The following SNX27 variants were observed in gnomAD, a reference collection of about 807,000 sequenced individuals.
The protein encoded by SNX27 is sorting nexin 27, also known as sorting nexin-27.
Under a neutral mutation model 71.6 loss-of-function variants are expected in SNX27, and 22 were observed. That is an observed-to-expected ratio of 0.31 (90% CI 0.22 to 0.44). The LOEUF is 0.44. Ranked by LOEUF, SNX27 falls within the 20% of genes least tolerant of loss-of-function variation. SNX27 has a pLI of 1.00. For synonymous variants in SNX27, 269 were observed against 277.2 expected (o/e 0.97, Z 0.29); for missense variants, 531 against 698.6 (o/e 0.76, Z 2.70).
intron 9 of SNX27, among the ~76,000 whole-genome samples, 160 bp downstream of exon 9, chr1:151,692,744 C>G (rs1169718417): frequency 6.6e-6 from 1 of 152,208 alleles, no homozygotes; most frequent in Non-Finnish European, 1.5e-5. Context: ...TCCTCAACTT[C>G]ATTGGCTGCT....
intron 1 of SNX27, among the ~76,000 whole-genome samples, chr1:151,626,468 G>C (rs1001191355): frequency 1.3e-5 from 2 of 152,116 alleles, no homozygotes; most frequent in African/African-American, 2.4e-5. Context: ...ATCAGGAAGA[G>C]AATACTGTTT....
intron 1 of SNX27, among the ~76,000 whole-genome samples, chr1:151,620,583 G>T (rs1667624491): frequency 6.6e-6 from 1 of 152,062 alleles, no homozygotes; most frequent in African/African-American, 2.4e-5. Context: ...TGTTTTAAAT[G>T]ACTATACTTA....
At chr1:151,694,104 T>C (rs867717663) in intron 11 of SNX27, 4 of 1,255,186 alleles carry the variant, frequency 3.2e-6, no homozygotes, top group Middle Eastern at 3.1e-4. Flanking sequence ...TGGCTTTTTT[T>C]TCCCTCTGTG....
chr1:151,686,919 T>C (rs951623480), intron 8 of SNX27, among the ~76,000 whole-genome samples: 1 of 152,254 alleles, frequency 6.6e-6, no homozygotes, highest in Non-Finnish European at 1.5e-5. Context: ...ACCAAGATTC[T>C]TGGAAGATAA....
In SNX27 at chr1:151,655,068, G is replaced by A. The variant is rs369891658; in HGVS notation, c.544-3167G>A. Among the ~76,000 whole-genome samples, 42 of 151,892 alleles carry A rather than the reference G, an allele frequency of 2.8e-4. No homozygotes were observed. The East Asian group carries it at 6.8e-3, about 24-fold the overall frequency. ...TGTATATTGTGAATGCAGTGTGATT[G>A]GGTGCTAGATTTTGTTACATTTCTT... On this transcript the variant is annotated intron_variant, in intron 2 of 11. Coordinates refer to ENST00000458013, the MANE Select transcript of SNX27 (RefSeq NM_001330723.2).
intron 2 of SNX27, among the ~76,000 whole-genome samples, chr1:151,653,627 C>G (rs1425459550): frequency 6.6e-6 from 1 of 152,102 alleles, no homozygotes; most frequent in Non-Finnish European, 1.5e-5. Flanking sequence ...AAGCATTCCT[C>G]CTGCTTCAGC....
At chr1:151,683,295 G>T in intron 7 of SNX27, 61 bp from the exon 8 acceptor site, 2 of 1,363,286 alleles carry the variant, frequency 1.5e-6, no homozygotes, top group South Asian at 2.5e-5. Context: ...TGTTTTCATC[G>T]AGAATGTACA....
chr1:151,620,004 C>T (rs568883328), intron 1 of SNX27, among the ~76,000 whole-genome samples: 1 of 152,276 alleles, frequency 6.6e-6, no homozygotes, highest in South Asian at 2.1e-4. Flanking sequence ...GGGGAGACAG[C>T]TCATACAAGG....
intron 8 of SNX27, among the ~76,000 whole-genome samples, chr1:151,688,664 G>A (rs1226624843): frequency 6.6e-6 from 1 of 151,286 alleles, no homozygotes; most frequent in Non-Finnish European, 1.5e-5. Flanking sequence ...CTGTTTTTAC[G>A]AATTTTTGAT....
Position 151,683,430 on chromosome 1 carries a change from A to C in SNX27, c.1224A>C (p.Gln408His). Residue 408 changes from glutamine to histidine, a missense_variant, in exon 8 of 12, where the codon CAA (glutamine) becomes CAC (histidine). Gln to His is a conservative substitution (Grantham distance 24, BLOSUM62 0). Around this residue, in one of 5 missense-constraint regions of SNX27, gnomAD observed 157 missense variants for 178.4 expected, o/e 0.88. Transcript: ENST00000458013. Reference sequence around the variant, plus strand: ...ATCAATTACAGAAGCTATACGAACAAAGAAAAATGGTCATGGTAAGTTTAT... The same window carrying C: ...ATCAATTACAGAAGCTATACGAACACAGAAAAATGGTCATGGTAAGTTTAT... The part of the protein sequence containing the change: ...KSYQLQKLYE[Q>H]RKMVMYLNML... The C allele has an allele frequency of 6.2e-7, 1 of 1,613,328 alleles. No homozygotes were observed. Among genetic ancestry groups the C allele is most frequent in the Non-Finnish European group, 8.5e-7 (1 of 1,179,700 alleles).
rs752941191 is a variant in SNX27 at position 151,662,248 on chromosome 1, G to A, written c.884G>A (p.Ser295Asn). 1.9e-6 allele frequency: 3 copies of A among 1,611,750 alleles called. No homozygotes were observed. In the African/African-American group the frequency reaches 4.0e-5, roughly 22 times the overall value. Residue 295 changes from serine (S) to asparagine (N), a missense_variant, in exon 5 of 12, where the codon AGT (serine) becomes AAT (asparagine). Physicochemically the swap from Ser to Asn is conservative, Grantham distance 46. Transcript: ENST00000458013. Reference protein sequence around the residue: ...TTVTVRVKKNSTTDQVYQAIA... With the variant: ...TTVTVRVKKNNTTDQVYQAIA... ...GTTACAGTCAGGGTTAAAAAGAACA[G>A]TACTACAGACCAAGTATATCAGGTA... is the stretch of plus-strand genomic sequence containing the variant.
At chr1:151,624,547 T>C (rs1185641430) in intron 1 of SNX27, among the ~76,000 whole-genome samples, 2 of 150,940 alleles carry the variant, frequency 1.3e-5, no homozygotes, top group Non-Finnish European at 3.0e-5. Flanking sequence ...TTCTCTGGTC[T>C]CAGCCTCCCA....
chr1:151,664,286 A>T (rs938943635), intron 5 of SNX27, among the ~76,000 whole-genome samples: 5 of 150,628 alleles, frequency 3.3e-5, no homozygotes, highest in African/African-American at 9.7e-5. Flanking sequence ...ATTCAGTGTG[A>T]TTTAATCGAT....
At position 151,695,541 on chromosome 1, in the gene SNX27, TC is replaced by T. The variant is rs1671665130; in HGVS notation, c.*1126del. 1 of 146,454 alleles carries T rather than the reference TC, an allele frequency of 6.8e-6. No individual in the cohort carries two copies. Among genetic ancestry groups the T allele is most frequent in the Non-Finnish European group, 1.5e-5 (1 of 66,846 alleles). The allele number at this position is 146,454 out of a possible 1,614,324, so 9.1% of individuals were successfully genotyped here. On this transcript the variant is annotated 3_prime_UTR_variant, in exon 12 of 12. Coordinates refer to ENST00000458013, the MANE Select transcript of SNX27 (RefSeq NM_001330723.2). ...CTCAGGTGATCCTTCCGCCTCACCC[TC>T]CTGAGTAGCTGGGACTACAGGTGTG...
rs113690013 is a variant in SNX27 at position 151,652,868 on chromosome 1, A to G, written c.544-5367A>G. ...TTATTCTAATAATATGCTGCCTGATAATTTCAACATCTGGGTCATCTCTGA... is the reference window on the plus strand; with the variant it reads ...TTATTCTAATAATATGCTGCCTGATGATTTCAACATCTGGGTCATCTCTGA... On this transcript the variant is annotated intron_variant, in intron 2 of 11. Transcript: ENST00000458013. 5.0e-3 allele frequency among the ~76,000 whole-genome samples: 760 copies of G among 151,406 alleles called. 6 individuals are homozygous for G. Among genetic ancestry groups the G allele is most frequent in the African/African-American group, 0.017 (689 of 41,306 alleles).
chr1:151,644,383 T>C (rs1668928898), intron 2 of SNX27, among the ~76,000 whole-genome samples: 1 of 152,220 alleles, frequency 6.6e-6, no homozygotes, highest in African/African-American at 2.4e-5. Context: ...AGAAATGGAA[T>C]CATGGTTTTT....
intron 1 of SNX27, among the ~76,000 whole-genome samples, chr1:151,622,929 C>T (rs1667739300): frequency 6.6e-6 from 1 of 152,152 alleles, no homozygotes; most frequent in East Asian, 1.9e-4. Flanking sequence ...GCTGGGACCA[C>T]ATGCATGTAC....
intron 9 of SNX27, 78 bp from the exon 10 acceptor site, chr1:151,692,833 G>T: frequency 6.3e-7 from 1 of 1,583,842 alleles, no homozygotes; most frequent in Non-Finnish European, 8.6e-7. Flanking sequence ...TCTGTCTCCT[G>T]GTTCAGAACC....
intron 1 of SNX27, among the ~76,000 whole-genome samples, chr1:151,618,348 G>A (rs1374146595): frequency 4.6e-5 from 7 of 152,122 alleles, no homozygotes; most frequent in African/African-American, 1.7e-4. Context: ...TTGGTTATCA[G>A]TGAAGACAGC....
Sources: allele counts gnomAD v4.1 joint callset (sites outside exome capture counted in the v4.1 genomes callset), GRCh38; gene constraint gnomAD v4.1.1; regional missense constraint gnomAD v4.1.1; transcripts MANE v1.5; gene names NCBI Gene and HGNC (gene_info 2026-07-23, HGNC 2026-07-21).